USP47: variants seen among roughly 807,000 people sequenced by gnomAD.
USP47 encodes ubiquitin specific peptidase 47, also known as ubiquitin carboxyl-terminal hydrolase 47.
A neutral mutation model predicts 165.1 loss-of-function variants in USP47; 35 were observed. The ratio of observed to expected loss-of-function variants is 0.21; its 90% CI spans 0.16 to 0.28. The LOEUF is 0.28. USP47 is among the 10% of genes least tolerant of loss of function. The pLI is 1.00. For synonymous variants in USP47, 531 were observed against 544.5 expected, an observed-to-expected ratio of 0.98 and a Z score of 0.35; for missense variants, 1,277 against 1,607.4, an observed-to-expected ratio of 0.79 and a Z score of 3.52.
intron 14 of USP47, 102 bp from the exon 15 acceptor site, chr11:11,932,902 T>C: frequency 1.3e-6 from 1 of 798,852 alleles, no homozygotes. Flanking sequence ...TCTCCATGAG[T>C]GCTACAGTAG....
At chr11:11,872,039 A>G (rs1369079887) in intron 1 of USP47, among the ~76,000 whole-genome samples, 11 of 152,182 alleles carry the variant, frequency 7.2e-5, no homozygotes, top group Admixed American at 6.5e-5. Flanking sequence ...CTGCCCCCAG[A>G]TCTAGTGACT....
intron 1 of USP47, among the ~76,000 whole-genome samples, chr11:11,866,644 A>G (rs1849698628): frequency 6.6e-6 from 1 of 152,098 alleles, no homozygotes; most frequent in Non-Finnish European, 1.5e-5. Flanking sequence ...TTTTCCTATA[A>G]TACATTTTTT....
intron 27 of USP47, among the ~76,000 whole-genome samples, 187 bp downstream of exon 27, chr11:11,955,351 A>C (rs1377721591): frequency 6.6e-6 from 1 of 152,232 alleles, no homozygotes; most frequent in Non-Finnish European, 1.5e-5. Flanking sequence ...CAATAAAAAG[A>C]AACAGGTGAA....
intron 1 of USP47, among the ~76,000 whole-genome samples, chr11:11,863,115 C>T (rs943140863): frequency 3.9e-5 from 6 of 151,916 alleles, no homozygotes; most frequent in African/African-American, 9.7e-5. Context: ...CATTATTTTC[C>T]GATTATAATG....
At position 11,903,200 on chromosome 11, in the gene USP47, C is replaced by T. The variant is rs1046435730; in HGVS notation, c.740-63C>T. Reference sequence around the variant, plus strand: ...ATATTTCTGTCTATTTGCTTTTAAACAACAGATTGTTTCATTACATAAAGT... The same window carrying T: ...ATATTTCTGTCTATTTGCTTTTAAATAACAGATTGTTTCATTACATAAAGT... On this transcript the variant is annotated intron_variant, in intron 6 of 27. Coordinates refer to ENST00000527733, the MANE Select transcript of USP47 (RefSeq NM_001282659.2). 6 of 1,491,048 alleles carry T rather than the reference C, an allele frequency of 4.0e-6. No individual in the cohort carries two copies. In the African/African-American group the frequency reaches 8.4e-5, roughly 21 times the overall value. 92.4% of individuals were successfully genotyped at this position (1,491,048 alleles called of 1,614,324 possible). A position where few individuals can be genotyped will look rare whatever the true frequency, so the allele number is the denominator to read the frequency against.
chr11:11,934,807 A>G (rs764412876), intron 16 of USP47, among the ~76,000 whole-genome samples: 3 of 152,134 alleles, frequency 2.0e-5, no homozygotes, highest in Non-Finnish European at 2.9e-5. Context: ...CATTTATGAT[A>G]CTTAACAAAT....
In USP47 at chr11:11,902,977, T is replaced by C. The variant is rs1013064426; in HGVS notation, c.739+117T>C. 9 of 1,136,674 alleles carry C rather than the reference T, an allele frequency of 7.9e-6. No homozygotes were observed. In the Admixed American group the frequency reaches 8.8e-5, roughly 11 times the overall value. The allele number at this position is 1,136,674 out of a possible 1,614,324, so 70.4% of individuals were successfully genotyped here. A position where few individuals can be genotyped will look rare whatever the true frequency, so the allele number is the denominator to read the frequency against. On this transcript the variant is annotated intron_variant, in intron 6 of 27. Coordinates refer to ENST00000527733, the MANE Select transcript of USP47 (RefSeq NM_001282659.2). ...TATCTTAAACCTTTCATTGCAAGTT[T>C]GTTGTCATATATTTTCTAACACATT...
At chr11:11,938,043 T>G (rs1199510062) in intron 17 of USP47, among the ~76,000 whole-genome samples, 1 of 152,012 alleles carries the variant, frequency 6.6e-6, no homozygotes, top group African/African-American at 2.4e-5. Flanking sequence ...GGTGGCTTAA[T>G]AAGGGGTTTG....
At position 11,938,418 on chromosome 11, in the gene USP47, A is replaced by G. The variant is rs538966130; in HGVS notation, c.2193+46A>G. The G allele has an allele frequency of 3.6e-5, 50 of 1,406,118 alleles. 1 individual carries two copies. Among genetic ancestry groups the G allele is most frequent in the Non-Finnish European group, 4.8e-5 (48 of 998,514 alleles). 87.1% of individuals were successfully genotyped at this position (1,406,118 alleles called of 1,614,324 possible). A position where few individuals can be genotyped will look rare whatever the true frequency, so the allele number is the denominator to read the frequency against. ...GTAAATAAATTTTTGAGAGCCTGCT[A>G]TGTACAAGACACACTATGTGACAGT... On this transcript the variant is annotated intron_variant, in intron 18 of 27. Transcript: ENST00000527733.
At chr11:11,876,959 A>G (rs1850464818) in intron 1 of USP47, among the ~76,000 whole-genome samples, 5 of 152,214 alleles carry the variant, frequency 3.3e-5, no homozygotes, top group Admixed American at 1.3e-4. Context: ...ATCCACCTCA[A>G]GACGTAATTG....
At chr11:11,897,533 A>T in intron 4 of USP47, 64 bp from the exon 5 acceptor site, 1 of 1,188,130 alleles carries the variant, frequency 8.4e-7, no homozygotes, top group East Asian at 2.5e-5. Flanking sequence ...TTAAATTCTT[A>T]TTATGTTTTT....
chr11:11,915,511 C>G (rs1184196489), intron 8 of USP47, among the ~76,000 whole-genome samples: 1 of 152,024 alleles, frequency 6.6e-6, no homozygotes, highest in Non-Finnish European at 1.5e-5. Flanking sequence ...TGCACTAAAG[C>G]TGGGAAAATC....
At chr11:11,865,846 C>G (rs575099995) in intron 1 of USP47, among the ~76,000 whole-genome samples, 2 of 151,974 alleles carry the variant, frequency 1.3e-5, no homozygotes, top group African/African-American at 4.8e-5. Context: ...TGTTTAAGTT[C>G]TTTGTCCATT....
At chr11:11,847,770 A>G (rs999984444) in intron 1 of USP47, among the ~76,000 whole-genome samples, 1 of 152,038 alleles carries the variant, frequency 6.6e-6, no homozygotes, top group African/African-American at 2.4e-5. Flanking sequence ...TTTCTTAACC[A>G]TCCTCCCCAC....
intron 5 of USP47, among the ~76,000 whole-genome samples, chr11:11,901,871 A>G (rs184608109): frequency 6.6e-6 from 1 of 151,776 alleles, no homozygotes; most frequent in Admixed American, 6.6e-5. Context: ...AGACAGGAGA[A>G]TCGCTTAAAA....
intron 11 of USP47, among the ~76,000 whole-genome samples, chr11:11,928,928 G>T (rs1007509801): frequency 1.3e-5 from 2 of 151,838 alleles, no homozygotes; most frequent in African/African-American, 4.8e-5. Context: ...TATAATTCAG[G>T]ATTCATTCTT....
intron 1 of USP47, among the ~76,000 whole-genome samples, chr11:11,871,858 T>C (rs1228312229): frequency 6.6e-6 from 1 of 152,208 alleles, no homozygotes; most frequent in East Asian, 1.9e-4. Context: ...CTTTTTTGTT[T>C]CTGCTTTCAC....
chr11:11,897,898 T>C (rs1851944697), intron 5 of USP47, among the ~76,000 whole-genome samples: 1 of 152,092 alleles, frequency 6.6e-6, no homozygotes, highest in Non-Finnish European at 1.5e-5. Context: ...CAGAAGTATA[T>C]AGAGAGCAAA....
chr11:11,845,631 G>A (rs982685026), intron 1 of USP47, among the ~76,000 whole-genome samples: 3 of 152,158 alleles, frequency 2.0e-5, no homozygotes, highest in African/African-American at 7.2e-5. Context: ...GTTTAAGACA[G>A]TGTCTTTCCT....
Sources: gnomAD v4.1 joint callset for allele counts (sites outside exome capture counted in the v4.1 genomes callset) on GRCh38, gnomAD v4.1.1 for gene constraint, MANE v1.5 for transcripts, NCBI Gene and HGNC (gene_info 2026-07-23, HGNC 2026-07-21) for gene names.